WNT5A: variants seen among roughly 807,000 people sequenced by gnomAD.
The protein encoded by WNT5A is protein Wnt-5a.
In WNT5A, 9 loss-of-function variants were observed where a neutral mutation model predicts 42.1. The observed-to-expected ratio is 0.21, with a 90% CI of 0.13 to 0.37. WNT5A has a LOEUF of 0.37. Among genes scored for constraint, WNT5A ranks in the 10% least tolerant of loss-of-function variants. The pLI, the probability that WNT5A is intolerant of heterozygous loss-of-function variation, is 1.00. For missense variants in WNT5A, 426 were observed against 534.0 expected, an observed-to-expected ratio of 0.80 and a Z score of 1.99; for synonymous variants, 210 against 210.0, an observed-to-expected ratio of 1.00 and a Z score of 0.00.
At chr3:55,497,221 A>G in the WNT5A span, among the ~76,000 whole-genome samples, 5 of 152,254 alleles carry the variant, frequency 3.3e-5, no homozygotes, top group Non-Finnish European at 5.9e-5. Context: ...CCTGGATGTT[A>G]CTGCTGCATG....
the WNT5A span, among the ~76,000 whole-genome samples, chr3:55,504,772 AC>A: frequency 6.6e-6 from 1 of 152,182 alleles, no homozygotes; most frequent in Non-Finnish European, 1.5e-5. Flanking sequence ...CCTAGGCTAA[AC>A]CTTTCAAATA....
chr3:55,483,054 A>G lies in WNT5A; in HGVS notation c.7-2136T>C, dbSNP rs1431486665. 1.3e-5 allele frequency among the ~76,000 whole-genome samples: 2 copies of G among 152,192 alleles called. No homozygotes were observed. Among genetic ancestry groups the G allele is most frequent in the African/African-American group, 4.8e-5 (2 of 41,452 alleles). ...GTGGGGCGGGGCTCAAGCAGCAGAGAAATTGATAACAGATTCGGCGGATTA... is the reference window on the plus strand; with the variant it reads ...GTGGGGCGGGGCTCAAGCAGCAGAGGAATTGATAACAGATTCGGCGGATTA... On this transcript the variant is annotated intron_variant, in intron 1 of 4. Coordinates refer to ENST00000264634, the MANE Select transcript of WNT5A (RefSeq NM_003392.7). The surrounding 1 kb of genome is among the most constrained non-coding windows in gnomAD (Gnocchi z 4.2).
At chr3:55,484,888 G>T (rs1192152728) in intron 1 of WNT5A, among the ~76,000 whole-genome samples, 2 of 152,144 alleles carry the variant, frequency 1.3e-5, no homozygotes, top group East Asian at 1.9e-4. Context: ...TTTAATAGAC[G>T]ATTAAAGTGA....
At chr3:55,500,429 G>T in the WNT5A span, among the ~76,000 whole-genome samples, 4 of 152,244 alleles carry the variant, frequency 2.6e-5, no homozygotes, top group African/African-American at 9.6e-5. Context: ...GGTTCACTAA[G>T]AACTAGCACT....
the WNT5A span, among the ~76,000 whole-genome samples, chr3:55,501,146 A>G: frequency 1.3e-5 from 2 of 152,210 alleles, no homozygotes; most frequent in Non-Finnish European, 2.9e-5. Context: ...TGAAACAATT[A>G]TCTTCCGAAA....
chr3:55,496,137 C>T, the WNT5A span, among the ~76,000 whole-genome samples: 1 of 130,080 alleles, frequency 7.7e-6, no homozygotes, highest in African/African-American at 3.3e-5. Flanking sequence ...AGAATTAAAT[C>T]CCAAGTCCTT....
chr3:55,485,556 G>A (rs2051561303), intron 1 of WNT5A, among the ~76,000 whole-genome samples: 1 of 152,010 alleles, frequency 6.6e-6, no homozygotes, highest in South Asian at 2.1e-4. Flanking sequence ...CACATTTGTC[G>A]GCCCGCGGTT....
intron 1 of WNT5A, among the ~76,000 whole-genome samples, chr3:55,485,642 G>C (rs944986927): frequency 7.4e-6 from 1 of 135,738 alleles, no homozygotes; most frequent in African/African-American, 3.0e-5. Context: ...TGGCTGGTTC[G>C]GCAGTGAATG....
chr3:55,498,352 G>C, the WNT5A span, among the ~76,000 whole-genome samples: 258 of 152,290 alleles, frequency 1.7e-3, 1 homozygote, highest in Admixed American at 5.2e-3. Context: ...TAATCAGTGG[G>C]GATGGTGAAC....
At chr3:55,485,434 G>C (rs917511914) in intron 1 of WNT5A, among the ~76,000 whole-genome samples, 25 of 152,080 alleles carry the variant, frequency 1.6e-4, no homozygotes, top group Non-Finnish European at 2.6e-4. Context: ...GAGAGGGTCG[G>C]GGGGTGGAGG....
At chr3:55,478,482 T>G (rs2051396750) in intron 3 of WNT5A, among the ~76,000 whole-genome samples, 1 of 152,150 alleles carries the variant, frequency 6.6e-6, no homozygotes, top group African/African-American at 2.4e-5. Flanking sequence ...CCTAAAATAT[T>G]CACACTAGAA....
At chr3:55,486,878 G>A in intron 1 of WNT5A, 102 bp downstream of exon 1, 1 of 860,168 alleles carries the variant, frequency 1.2e-6, no homozygotes, top group East Asian at 2.5e-5. Flanking sequence ...TCAGGCGGTT[G>A]GGGAAATGGA....
Position 55,469,089 on chromosome 3 carries a change from T to C in WNT5A, c.*1003A>G, listed in dbSNP as rs2051198772. The C allele has an allele frequency of 1.3e-5, 2 of 152,200 alleles. No individual in the cohort carries two copies. Among genetic ancestry groups the C allele is most frequent in the Non-Finnish European group, 2.9e-5 (2 of 68,046 alleles). The allele number at this position is 152,200 out of a possible 1,614,324, so 9.4% of individuals were successfully genotyped here. On this transcript the variant is annotated 3_prime_UTR_variant, in exon 5 of 5. Transcript: ENST00000264634. ...GTGTGAAGAGGAAGGTGGATTTCACTGTTTTTCCTCAAATAGGTTGTCTGC... is the reference window on the plus strand; with the variant it reads ...GTGTGAAGAGGAAGGTGGATTTCACCGTTTTTCCTCAAATAGGTTGTCTGC...
At chr3:55,480,718 G>A (rs957739654) in intron 2 of WNT5A, 67 bp downstream of exon 2, 15 of 1,430,106 alleles carry the variant, frequency 1.0e-5, no homozygotes, top group South Asian at 3.2e-5. Flanking sequence ...AAATATTGCC[G>A]CATCATACAA....
At chr3:55,493,622 C>T (rs2107044881), upstream of WNT5A, among the ~76,000 whole-genome samples, 1 of 152,338 alleles carries the variant, frequency 6.6e-6, no homozygotes, top group African/African-American at 2.4e-5. Flanking sequence ...CTGACTCACA[C>T]AGAGAACGTG....
intron 1 of WNT5A, among the ~76,000 whole-genome samples, chr3:55,486,521 C>A (rs2051581873): frequency 6.6e-6 from 1 of 152,218 alleles, no homozygotes; most frequent in Non-Finnish European, 1.5e-5. Flanking sequence ...TCTGCGGGTT[C>A]TCTCAACCAA....
chr3:55,476,783 G>A (rs2051365895), intron 3 of WNT5A, among the ~76,000 whole-genome samples: 1 of 152,180 alleles, frequency 6.6e-6, no homozygotes, highest in African/African-American at 2.4e-5. Context: ...TGCTGATTCA[G>A]TTAGGTTTCC....
At chr3:55,470,654 C>T in intron 4 of WNT5A, 104 bp from the exon 5 acceptor site, 1 of 1,094,692 alleles carries the variant, frequency 9.1e-7, no homozygotes, top group Non-Finnish European at 1.3e-6. Flanking sequence ...CTATGTTCCC[C>T]AGCTGAATTA....
the WNT5A span, among the ~76,000 whole-genome samples, chr3:55,496,938 T>C: frequency 2.0e-5 from 3 of 152,382 alleles, no homozygotes; most frequent in South Asian, 2.1e-4. Flanking sequence ...ACGCTATGCA[T>C]TCATTCATTC....
Sources: allele counts gnomAD v4.1 joint callset (sites outside exome capture counted in the v4.1 genomes callset), GRCh38; gene constraint gnomAD v4.1.1; non-coding constraint Gnocchi (gnomAD v3.1); transcripts MANE v1.5; gene names NCBI Gene and HGNC (gene_info 2026-07-23, HGNC 2026-07-21).